Variants in FYCO1 observed in about 807,000 individuals in gnomAD.
FYCO1 encodes FYVE and coiled-coil domain autophagy adaptor 1.
Under a neutral mutation model 165.1 loss-of-function variants are expected in FYCO1, and 122 were observed. The observed-to-expected ratio is 0.74, with a 90% CI of 0.64 to 0.86. The LOEUF is 0.86. Among genes scored for constraint, FYCO1 ranks in the 40% least tolerant of loss-of-function variants. FYCO1 has a pLI of 0.00. For synonymous variants in FYCO1, 648 were observed against 742.5 expected (o/e 0.87, Z 2.07); for missense variants, 1,702 against 1,810.3 (o/e 0.94, Z 1.09).
rs1171948933 is a variant in FYCO1, at chr3:45,967,286, G to A, written c.2048C>T (p.Ala683Val). Residue 683 changes from alanine to valine, a missense_variant, in exon 8 of 18, where the codon GCT becomes GTT. Ala to Val is a moderately conservative substitution (Grantham distance 64). Transcript: ENST00000296137. Reference sequence around the variant, plus strand: ...CATGGCCTCCTTGGCCTTCCTTACAGCCAGCAAGCTCGCCTCCATCTGGTC... The same window carrying A: ...CATGGCCTCCTTGGCCTTCCTTACAACCAGCAAGCTCGCCTCCATCTGGTC... ...LGDQMEASLL[A>V]VRKAKEAMKA... 6.2e-7 allele frequency: 1 copy of A among 1,613,920 alleles called. No individual in the cohort carries two copies. The highest frequency in any genetic ancestry group is 1.7e-4 in the Middle Eastern group (1 of 6,058).
chr3:45,919,953 A>T lies in FYCO1; in HGVS notation c.*1812T>A, dbSNP rs1056703475. 4.6e-5 allele frequency: 7 copies of T among 152,252 alleles called. 1 individual carries two copies. Among genetic ancestry groups the T allele is most frequent in the African/African-American group, 1.7e-4 (7 of 41,458 alleles). The allele number at this position is 152,252 out of a possible 1,614,324, so 9.4% of individuals were successfully genotyped here. On this transcript the variant is annotated 3_prime_UTR_variant, in exon 18 of 18. Coordinates refer to ENST00000296137, the MANE Select transcript of FYCO1 (RefSeq NM_024513.4). ...CATGGTCAGAGCCTTGGCCAGGAGA[A>T]GATGATTGAGCACCTGATGGCTTTC...
At position 45,966,786 on chromosome 3, in the gene FYCO1, C is replaced by T. The variant is rs1706051970; in HGVS notation, c.2548G>A (p.Glu850Lys). Residue 850 changes from glutamate (E) to lysine (K), a missense_variant, in exon 8 of 18, where the codon GAG (glutamate) becomes AAG (lysine). Coordinates refer to ENST00000296137, the MANE Select transcript of FYCO1 (RefSeq NM_024513.4). ...AHVQELLQCSEREGALQEERA... is the reference protein window; with the variant it reads ...AHVQELLQCSKREGALQEERA... Reference sequence around the variant, plus strand: ...TCCTCCTGCAGTGCCCCTTCACGCTCCGAGCATTGCAGCAGCTCCTGGACA... The same window carrying T: ...TCCTCCTGCAGTGCCCCTTCACGCTTCGAGCATTGCAGCAGCTCCTGGACA... 6.2e-7 allele frequency: 1 copy of T among 1,609,972 alleles called. No homozygotes were observed. Among genetic ancestry groups the T allele is most frequent in the Non-Finnish European group, 8.5e-7 (1 of 1,180,004 alleles).
intron 14 of FYCO1, among the ~76,000 whole-genome samples, chr3:45,951,129 C>T (rs771166830): frequency 1.4e-4 from 22 of 152,166 alleles, no homozygotes; most frequent in Non-Finnish European, 2.5e-4. Context: ...GACTGGGCTG[C>T]GCAGTGCAAG....
At chr3:45,975,853 A>G (rs1430968140) in intron 4 of FYCO1, among the ~76,000 whole-genome samples, 2 of 152,286 alleles carry the variant, frequency 1.3e-5, no homozygotes, top group African/African-American at 4.8e-5. Context: ...GTGCAGGGGA[A>G]GGGCCTAAAG....
chr3:45,960,255 C>T (rs139158709), intron 11 of FYCO1, among the ~76,000 whole-genome samples: 2 of 152,264 alleles, frequency 1.3e-5, no homozygotes, highest in African/African-American at 4.8e-5. Context: ...TCGTATGGAG[C>T]CCCAGCTAGC....
intron 14 of FYCO1, among the ~76,000 whole-genome samples, chr3:45,944,137 A>T (rs1704427608): frequency 6.6e-6 from 1 of 151,980 alleles, no homozygotes; most frequent in Non-Finnish European, 1.5e-5. Context: ...TGGCAGAAGG[A>T]TTCAAGGGGT....
intron 1 of FYCO1, among the ~76,000 whole-genome samples, chr3:45,987,531 A>T (rs1707368324): frequency 6.6e-6 from 1 of 152,182 alleles, no homozygotes; most frequent in South Asian, 2.1e-4. Context: ...AGCCAAAAAG[A>T]AAAGGATGCT....
At chr3:45,991,176 A>G (rs1259576648) in intron 1 of FYCO1, among the ~76,000 whole-genome samples, 4 of 152,268 alleles carry the variant, frequency 2.6e-5, no homozygotes, top group African/African-American at 9.6e-5. Flanking sequence ...TAATGCACTT[A>G]AAACACCATG....
At chr3:45,978,523 A>G (rs935906502) in intron 4 of FYCO1, among the ~76,000 whole-genome samples, 1 of 152,220 alleles carries the variant, frequency 6.6e-6, no homozygotes, top group African/African-American at 2.4e-5. Flanking sequence ...ATCATTCTCT[A>G]TAAGAAGAAA....
In FYCO1 at chr3:45,966,782, C is replaced by T. The variant is rs145893350; in HGVS notation, c.2552G>A (p.Arg851His). 108 of 1,609,844 alleles carry T rather than the reference C, an allele frequency of 6.7e-5. 1 individual carries two copies. In the East Asian group the frequency reaches 1.9e-3, roughly 28 times the overall value. Residue 851 changes from arginine to histidine, a missense_variant, in exon 8 of 18, where the codon CGT becomes CAT. Arg to His is a conservative substitution (Grantham distance 29). Transcript: ENST00000296137. ...HVQELLQCSE[R>H]EGALQEERAD... Reference sequence around the variant, plus strand: ...CCTCTCCTCCTGCAGTGCCCCTTCACGCTCCGAGCATTGCAGCAGCTCCTG... The same window carrying T: ...CCTCTCCTCCTGCAGTGCCCCTTCATGCTCCGAGCATTGCAGCAGCTCCTG...
chr3:45,971,351 C>T (rs192330053), intron 6 of FYCO1, among the ~76,000 whole-genome samples: 146 of 152,202 alleles, frequency 9.6e-4, no homozygotes, highest in Non-Finnish European at 1.5e-3. Flanking sequence ...CAAGAATGAT[C>T]AAATGGTATT....
chr3:45,925,351 C>T (rs924724171), intron 16 of FYCO1, among the ~76,000 whole-genome samples: 13 of 151,984 alleles, frequency 8.6e-5, no homozygotes, highest in African/African-American at 2.9e-4. Flanking sequence ...AGAAGGTCTA[C>T]AGACAACGGA....
chr3:45,969,569 G>A, intron 7 of FYCO1, 106 bp downstream of exon 7: 1 of 852,170 alleles, frequency 1.2e-6, no homozygotes, highest in East Asian at 2.6e-5. Flanking sequence ...CTATTGCTCT[G>A]GCTGGAACAA....
intron 1 of FYCO1, among the ~76,000 whole-genome samples, chr3:45,994,261 T>C (rs1270862196): frequency 6.6e-6 from 1 of 151,744 alleles, no homozygotes; most frequent in Non-Finnish European, 1.5e-5. Context: ...GAATTGAGTA[T>C]ACGGATATTC....
At chr3:45,949,055 C>G (rs945047643) in intron 14 of FYCO1, among the ~76,000 whole-genome samples, 1 of 152,128 alleles carries the variant, frequency 6.6e-6, no homozygotes, top group African/African-American at 2.4e-5. Context: ...CGTGGGTTAG[C>G]GAGGCGAGGG....
At chr3:45,927,200 T>C (rs1703362347) in intron 16 of FYCO1, among the ~76,000 whole-genome samples, 1 of 152,212 alleles carries the variant, frequency 6.6e-6, no homozygotes, top group East Asian at 1.9e-4. Context: ...AGTGTTAGTG[T>C]ATCTTATGTG....
chr3:45,967,683 C>A lies in FYCO1; in HGVS notation c.1651G>T (p.Gly551Cys), dbSNP rs775726960. The change falls in exon 8 of 18, where the codon GGT becomes TGT. Residue 551 changes from glycine to cysteine, a missense_variant. Coordinates refer to ENST00000296137, the MANE Select transcript of FYCO1 (RefSeq NM_024513.4). ...QDKDHLSQQV[G>C]MLERLAGPPG... ...GGCCCAGCAAGCCGCTCGAGCATAC[C>A]CACCTGCTGGCTGAGGTGGTCTTTG... The A allele has an allele frequency of 6.8e-6, 11 of 1,613,894 alleles. No individual in the cohort carries two copies. In the South Asian group the frequency reaches 1.1e-4, roughly 16 times the overall value.
intron 15 of FYCO1, among the ~76,000 whole-genome samples, chr3:45,931,512 C>A (rs1703627113): frequency 6.6e-6 from 1 of 152,174 alleles, no homozygotes; most frequent in Non-Finnish European, 1.5e-5. Context: ...GAGGAGACAG[C>A]AGTAAAAAAT....
rs1012730679 is a variant in FYCO1 at position 45,918,747 on chromosome 3, T to C, written c.*3018A>G. 13 of 152,326 alleles carry C rather than the reference T, an allele frequency of 8.5e-5. No homozygotes were observed. The highest frequency in any genetic ancestry group is 3.4e-3 in the Middle Eastern group (1 of 294). The allele number at this position is 152,326 out of a possible 1,614,324, so 9.4% of individuals were successfully genotyped here. A position where few individuals can be genotyped will look rare whatever the true frequency, so the allele number is the denominator to read the frequency against. ...AAATTTCCAAAACACCATTTATTCT[T>C]GAGTTATATGACGTGGCTTTTCATT... is the stretch of plus-strand genomic sequence containing the variant. On this transcript the variant is annotated 3_prime_UTR_variant, in exon 18 of 18. Transcript: ENST00000296137.
Sources: allele counts gnomAD v4.1 joint callset (sites outside exome capture counted in the v4.1 genomes callset), GRCh38; gene constraint gnomAD v4.1.1; transcripts MANE v1.5; gene names NCBI Gene and HGNC (gene_info 2026-07-23, HGNC 2026-07-21).